Variants in PPP4R3A observed in about 807,000 individuals in gnomAD.
The protein encoded by PPP4R3A is protein phosphatase 4 regulatory subunit 3A.
In PPP4R3A, 15 loss-of-function variants were observed where a neutral mutation model predicts 91.7. That is an observed-to-expected ratio of 0.16 (90% confidence interval 0.11 to 0.25). The LOEUF is 0.25. Ranked by LOEUF, PPP4R3A falls within the 10% of genes least tolerant of loss-of-function variation. The probability of loss-of-function intolerance (pLI) is 1.00; values close to 1 mark genes in which losing one functional copy is unlikely to be tolerated. For synonymous variants in PPP4R3A, 377 were observed against 348.7 expected (o/e 1.08, Z -0.91); for missense variants, 623 against 998.4 (o/e 0.62, Z 5.07).
intron 10 of PPP4R3A, 94 bp downstream of exon 10, chr14:91,470,743 G>T: frequency 7.1e-7 from 1 of 1,410,566 alleles, no homozygotes; most frequent in Non-Finnish European, 9.7e-7. Context: ...TAGATCTCCT[G>T]ACCTGTAATC....
intron 4 of PPP4R3A, among the ~76,000 whole-genome samples, chr14:91,480,948 C>T (rs865913385): frequency 2.0e-5 from 3 of 151,944 alleles, no homozygotes; most frequent in East Asian, 1.9e-4. Context: ...GGTGGGAGGA[C>T]GGCTCAAGCC....
At chr14:91,493,073 T>A (rs1053829534) in intron 1 of PPP4R3A, among the ~76,000 whole-genome samples, 3 of 151,632 alleles carry the variant, frequency 2.0e-5, no homozygotes, top group South Asian at 2.1e-4. Context: ...AAACATAAAA[T>A]AACAATAAAA....
chr14:91,488,942 C>T (rs1289967681), intron 2 of PPP4R3A, among the ~76,000 whole-genome samples: 1 of 139,688 alleles, frequency 7.2e-6, no homozygotes, highest in Non-Finnish European at 1.5e-5. Flanking sequence ...GAGTCTCGCT[C>T]TGTCGCCCAG....
rs530802333 is a variant in PPP4R3A at position 91,498,917 on chromosome 14, C to CAAA, written c.143-8118_143-8116dup. 3.4e-3 allele frequency among the ~76,000 whole-genome samples: 308 copies of CAAA among 91,266 alleles called. 6 individuals are homozygous for CAAA. The highest frequency in any genetic ancestry group is 4.6e-3 in the Non-Finnish European group (212 of 45,628). The allele number at this position is 91,266 out of a possible 152,430, so 59.9% of individuals were successfully genotyped here. On this transcript the variant is annotated intron_variant, in intron 1 of 14. Coordinates refer to ENST00000554943, the MANE Select transcript of PPP4R3A (RefSeq NM_001366432.2). ...TGGGCGACAGAGTGAGACTCCAACT[C>CAAA]AAAAAAAAAAAAAAAAAGAAGCCTG...
At chr14:91,495,302 A>ATGTGTGTGTGTGTG (rs60663799) in intron 1 of PPP4R3A, among the ~76,000 whole-genome samples, 2,539 of 140,928 alleles carry the variant, frequency 0.018, 41 homozygotes, top group African/African-American at 0.04. Context: ...CAGATACATA[A>ATGTGTGTGTGTGTG]TGTGTGTGTG....
In PPP4R3A at chr14:91,462,784, G is replaced by T. The variant is rs774983570; in HGVS notation, c.1924C>A (p.Leu642Met). 2.5e-6 allele frequency: 4 copies of T among 1,613,366 alleles called. No homozygotes were observed. The highest frequency in any genetic ancestry group is 3.4e-6 in the Non-Finnish European group (4 of 1,179,568). ...DYVQTFKGLK[L>M]RFEQQRERQD... The stretch of plus-strand genomic sequence containing the variant: ...CTTTCTCTTTGTTGTTCAAATCTCA[G>T]TTTTAATCCTTTAAATGTCTGTACA... Residue 642 changes from leucine to methionine, a missense_variant, in exon 12 of 15, where the codon CTG (leucine) becomes ATG (methionine). Coordinates refer to ENST00000554943, the MANE Select transcript of PPP4R3A (RefSeq NM_001366432.2).
intron 14 of PPP4R3A, among the ~76,000 whole-genome samples, chr14:91,460,084 T>A (rs1207836665): frequency 2.6e-5 from 4 of 151,910 alleles, no homozygotes; most frequent in African/African-American, 9.7e-5. Context: ...CCATCTCAGC[T>A]CCCTGCAAGC....
chr14:91,506,356 T>C (rs750975853), intron 1 of PPP4R3A, among the ~76,000 whole-genome samples: 19 of 152,336 alleles, frequency 1.2e-4, no homozygotes, highest in African/African-American at 3.4e-4. Context: ...ATATGGTTAA[T>C]AGCACTAAAT....
rs1255041889 is a variant in PPP4R3A at position 91,465,367 on chromosome 14, G to A, written c.1713C>T (p.Asn571=). 3 of 1,603,258 alleles carry A rather than the reference G, an allele frequency of 1.9e-6. No individual in the cohort carries two copies. The highest frequency in any genetic ancestry group is 1.1e-5 in the South Asian group (1 of 88,280). The part of the protein sequence containing the change: ...KIIGLKDEFY[N]RYIMKSFLFE... ...ACAAAAAACTTTTCATTATGTAGCG[G>A]TTGTAAAACTCATCTTTTAATCCAA... Residue 571 remains asparagine, a synonymous_variant, in exon 11 of 15, where the codon AAC becomes AAT. Transcript: ENST00000554943.
chr14:91,482,694 T>C (rs1264668592), intron 3 of PPP4R3A, among the ~76,000 whole-genome samples: 1 of 151,950 alleles, frequency 6.6e-6, no homozygotes, highest in African/African-American at 2.4e-5. Context: ...TCACAGAAAA[T>C]ATATATAATT....
In PPP4R3A at chr14:91,486,418, C is replaced by T. The variant is rs531727354; in HGVS notation, c.199-688G>A. 4.9e-4 allele frequency among the ~76,000 whole-genome samples: 75 copies of T among 152,212 alleles called. 2 individuals are homozygous for T. The South Asian group carries it at 0.01, about 21-fold the overall frequency. On this transcript the variant is annotated intron_variant, in intron 2 of 14. Coordinates refer to ENST00000554943, the MANE Select transcript of PPP4R3A (RefSeq NM_001366432.2). ...TTGAACTCCTGGCCTTGGGCCCTCC[C>T]GCCTTGGCCTCCCAAAGCACTGGGA...
At chr14:91,500,632 C>T (rs1006294376) in intron 1 of PPP4R3A, among the ~76,000 whole-genome samples, 11 of 152,108 alleles carry the variant, frequency 7.2e-5, no homozygotes, top group Non-Finnish European at 1.2e-4. Flanking sequence ...AAACACATTA[C>T]GAATAAGAGG....
At chr14:91,472,824 A>ACAAACCAAC (rs1555434923) in intron 9 of PPP4R3A, among the ~76,000 whole-genome samples, 1 of 150,402 alleles carries the variant, frequency 6.6e-6, no homozygotes, top group African/African-American at 2.5e-5. Context: ...TTTGATAAAA[A>ACAAACCAAC]CAACCAACCA....
At chr14:91,501,806 G>A (rs779606613) in intron 1 of PPP4R3A, among the ~76,000 whole-genome samples, 3 of 148,992 alleles carry the variant, frequency 2.0e-5, no homozygotes, top group Non-Finnish European at 1.5e-5. Context: ...CCAGGTTCAC[G>A]CCATTCTCCT....
rs1008495184 is a variant in PPP4R3A, at chr14:91,479,423, G to A, written c.915+2153C>T. The stretch of plus-strand genomic sequence containing the variant: ...CACTCTGTTGCTCAGGCTTGAGTGC[G>A]GTGGCATGATCATTGCTCACTGCAG... On this transcript the variant is annotated intron_variant, in intron 4 of 14. Transcript: ENST00000554943. Among the ~76,000 whole-genome samples, 20 of 151,216 alleles carry A rather than the reference G, an allele frequency of 1.3e-4. No individual in the cohort carries two copies. The East Asian group carries it at 3.5e-3, about 26-fold the overall frequency.
intron 3 of PPP4R3A, among the ~76,000 whole-genome samples, chr14:91,483,577 G>A (rs1368722841): frequency 1.3e-5 from 2 of 152,160 alleles, no homozygotes; most frequent in African/African-American, 2.4e-5. Flanking sequence ...AGAGAGGAGT[G>A]CCCTTATTAT....
chr14:91,478,531 T>A (rs1306539460), intron 4 of PPP4R3A, among the ~76,000 whole-genome samples: 3 of 152,196 alleles, frequency 2.0e-5, no homozygotes, highest in Non-Finnish European at 4.4e-5. Context: ...GAAACAGACA[T>A]ATTGGCAGCC....
intron 1 of PPP4R3A, among the ~76,000 whole-genome samples, chr14:91,498,375 T>C (rs1013436400): frequency 2.6e-5 from 4 of 152,178 alleles, no homozygotes; most frequent in African/African-American, 9.7e-5. Flanking sequence ...AAACTCTTAT[T>C]TTAGAAAAGT....
chr14:91,457,835 TATAAA>T lies in PPP4R3A; in HGVS notation c.*919_*923del, dbSNP rs1567141414. 1 of 152,588 alleles carries T rather than the reference TATAAA, an allele frequency of 6.6e-6. No homozygotes were observed. The allele number at this position is 152,588 out of a possible 1,614,324, so 9.5% of individuals were successfully genotyped here. A position where few individuals can be genotyped will look rare whatever the true frequency, so the allele number is the denominator to read the frequency against. ...AGACAGTTGCTGATGTAAATTTTAA[TATAAA>T]ATATTTAGTCACAAAATAGTATTGC... On this transcript the variant is annotated 3_prime_UTR_variant, in exon 15 of 15. Coordinates refer to ENST00000554943, the MANE Select transcript of PPP4R3A (RefSeq NM_001366432.2).
Sources: allele counts gnomAD v4.1 joint callset (sites outside exome capture counted in the v4.1 genomes callset), GRCh38; gene constraint gnomAD v4.1.1; transcripts MANE v1.5; gene names NCBI Gene and HGNC (gene_info 2026-07-23, HGNC 2026-07-21).